COQ2: variants seen among roughly 807,000 people sequenced by gnomAD.
COQ2 encodes the protein coenzyme Q2, polyprenyltransferase.
In COQ2, 25 loss-of-function variants were observed where a neutral mutation model predicts 35.7. That is an observed-to-expected ratio of 0.70 (90% CI 0.51 to 0.98). COQ2 has a LOEUF of 0.98. COQ2 is among the 50% of genes least tolerant of loss of function. COQ2 has a pLI of 0.00. For synonymous variants in COQ2, 206 were observed against 186.2 expected (o/e 1.11, Z -0.86); for missense variants, 488 against 473.5 (o/e 1.03, Z -0.28).
intron 6 of COQ2, among the ~76,000 whole-genome samples, chr4:83,265,070 C>T (rs915932261): frequency 1.3e-5 from 2 of 152,216 alleles, no homozygotes; most frequent in African/African-American, 4.8e-5. Flanking sequence ...AGACCTAAAT[C>T]TGTTGCTAGT....
intron 6 of COQ2, chr4:83,267,220 A>T (rs763592830): frequency 8.9e-6 from 4 of 450,666 alleles, no homozygotes. Context: ...TACAAAAAAT[A>T]AAAAAAATTA....
At position 83,284,770 on chromosome 4, in the gene COQ2, T is replaced by C. The variant is rs1394723089; in HGVS notation, c.-6A>G. 6.4e-7 allele frequency: 1 copy of C among 1,557,422 alleles called. No individual in the cohort carries two copies. The highest frequency in any genetic ancestry group is 1.2e-5 in the South Asian group (1 of 84,668). ...GCGGCTCGCGAGCCCAGCATGGCGC[T>C]GGTGAGGCCGGGACGAGCTCGGATT... On this transcript the variant is annotated 5_prime_UTR_variant, in exon 1 of 7. Transcript: ENST00000647002.
chr4:83,283,691 T>C (rs1227266665), intron 1 of COQ2: 2 of 985,316 alleles, frequency 2.0e-6, no homozygotes, highest in African/African-American at 3.5e-5. Context: ...CCATAGCTTT[T>C]TCTATCTCTA....
At chr4:83,283,267 AC>A (rs1735371862) in intron 1 of COQ2, 6 of 985,394 alleles carry the variant, frequency 6.1e-6, no homozygotes, top group Non-Finnish European at 7.2e-6. Flanking sequence ...GCCTTTGACT[AC>A]ATCTCCATAC....
rs1299451217 is a variant in COQ2, at chr4:83,269,874, T to C, written c.748A>G (p.Ile250Val). The C allele has an allele frequency of 5.0e-6, 8 of 1,593,876 alleles. No individual in the cohort carries two copies. Among genetic ancestry groups the C allele is most frequent in the Non-Finnish European group, 6.8e-6 (8 of 1,169,700 alleles). Residue 250 changes from isoleucine (I) to valine (V), a missense_variant, in exon 5 of 7, where the codon ATT (isoleucine) becomes GTT (valine). By Grantham distance (29) the Ile-to-Val change is conservative. Transcript: ENST00000647002. Reference sequence around the variant, plus strand: ...AATTTCTTTACCTGATGGGCATAAATAGTATCATATATTAGTGTCCACATA... The same window carrying C: ...AATTTCTTTACCTGATGGGCATAAACAGTATCATATATTAGTGTCCACATA... Reference protein sequence around the residue: ...GVMWTLIYDTIYAHQDKRDDV... With the variant: ...GVMWTLIYDTVYAHQDKRDDV...
intron 1 of COQ2, among the ~76,000 whole-genome samples, chr4:83,279,515 G>A (rs1232877626): frequency 6.6e-6 from 1 of 151,976 alleles, no homozygotes; most frequent in Admixed American, 6.6e-5. Flanking sequence ...TTCTAATGAG[G>A]TTACAAAATG....
At chr4:83,276,789 A>G (rs182164867) in intron 2 of COQ2, among the ~76,000 whole-genome samples, 74 of 152,362 alleles carry the variant, frequency 4.9e-4, no homozygotes, top group Middle Eastern at 6.8e-3. Flanking sequence ...CGTGGAATCA[A>G]CCAAAGTGTC....
intron 2 of COQ2, among the ~76,000 whole-genome samples, chr4:83,275,609 C>A (rs904459474): frequency 2.6e-5 from 4 of 151,996 alleles, no homozygotes; most frequent in African/African-American, 9.7e-5. Flanking sequence ...TATGTATAAT[C>A]TCCAGGTGTT....
chr4:83,264,356 G>C lies in COQ2; in HGVS notation c.959C>G (p.Thr320Ser). 2 of 1,603,226 alleles carry C rather than the reference G, an allele frequency of 1.2e-6. No individual in the cohort carries two copies. The highest frequency in any genetic ancestry group is 1.7e-6 in the Non-Finnish European group (2 of 1,176,444). Residue 320 changes from threonine (T) to serine (S), a missense_variant, in exon 7 of 7, where the codon ACT becomes AGT. Transcript: ENST00000647002. ...ATCCTCAGGTCTGTGGATGTCTAGA[G>C]TGTAAATCTGCAAGAGAGGAATACA... is the stretch of plus-strand genomic sequence containing the variant. Reference protein sequence around the residue: ...VGAHLTHQIYTLDIHRPEDCW... With the variant: ...VGAHLTHQIYSLDIHRPEDCW...
chr4:83,277,709 C>T (rs1735214233), intron 2 of COQ2, among the ~76,000 whole-genome samples: 1 of 152,150 alleles, frequency 6.6e-6, no homozygotes, highest in African/African-American at 2.4e-5. Context: ...GTGGCTCATG[C>T]CTGTAATCCC....
chr4:83,274,347 C>T (rs1735116668), intron 2 of COQ2, among the ~76,000 whole-genome samples: 1 of 152,112 alleles, frequency 6.6e-6, no homozygotes, highest in Non-Finnish European at 1.5e-5. Flanking sequence ...GCATCCACCA[C>T]CACCCCTGGC....
rs781293217 is a variant in COQ2, at chr4:83,272,165, G to A, written c.550C>T (p.Leu184=). The change falls in exon 4 of 7, where the codon CTG becomes TTG. Residue 184 remains leucine (L), a synonymous_variant. Coordinates refer to ENST00000647002, the MANE Select transcript of COQ2 (RefSeq NM_001358921.2). The part of the protein sequence containing the change: ...LLCLNYYSIA[L]GAGSLLLVIT... Reference sequence around the variant, plus strand: ...ACAAGAAGTAAGGATCCTGCTCCCAGAGCTATACTGAAAAGAGGAAAAACC... The same window carrying A: ...ACAAGAAGTAAGGATCCTGCTCCCAAAGCTATACTGAAAAGAGGAAAAACC... 6.2e-7 allele frequency: 1 copy of A among 1,605,594 alleles called. No homozygotes were observed. Among genetic ancestry groups the A allele is most frequent in the Non-Finnish European group, 8.5e-7 (1 of 1,175,336 alleles).
At chr4:83,273,947 C>T (rs1373236045) in intron 2 of COQ2, among the ~76,000 whole-genome samples, 1 of 124,970 alleles carries the variant, frequency 8.0e-6, no homozygotes, top group Non-Finnish European at 1.6e-5. Flanking sequence ...AGTTCAAGAC[C>T]AGACTAGGCA....
intron 2 of COQ2, among the ~76,000 whole-genome samples, chr4:83,276,028 T>TTATAATATATAAAATATATATTA (rs1560494682): frequency 2.4e-4 from 5 of 20,660 alleles, no homozygotes; most frequent in African/African-American, 4.1e-4. Flanking sequence ...ATATATATTT[T>TTATAATATATAAAATATATATTA]TATATAATAT....
chr4:83,267,444 A>AG (rs1321934749), intron 6 of COQ2, 142 bp downstream of exon 6: 5 of 667,850 alleles, frequency 7.5e-6, no homozygotes, highest in African/African-American at 3.7e-5. Context: ...GCCGGAGGGC[A>AG]GGGGGGTCTG....
At chr4:83,269,011 G>C (rs1734985680) in intron 5 of COQ2, among the ~76,000 whole-genome samples, 1 of 151,960 alleles carries the variant, frequency 6.6e-6, no homozygotes, top group African/African-American at 2.4e-5. Context: ...AGCTGGGGGA[G>C]AGTTTATAAA....
Position 83,264,285 on chromosome 4 carries a change from A to G in COQ2, c.1030T>C (p.Phe344Leu). 2 of 1,612,306 alleles carry G rather than the reference A, an allele frequency of 1.2e-6. No individual in the cohort carries two copies. Among genetic ancestry groups the G allele is most frequent in the Non-Finnish European group, 1.7e-6 (2 of 1,179,326 alleles). Reference protein sequence around the residue: ...ISNRTLGLIVFLGIVLGNLWK... With the variant: ...ISNRTLGLIVLLGIVLGNLWK... ...AAATTCCCAAGGACAATCCCTAAAA[A>G]AACTATTAGTCCCAGTGTTCGGTTG... The change falls in exon 7 of 7, where the codon TTT becomes CTT. Residue 344 changes from phenylalanine to leucine, a missense_variant. Phe to Leu is a conservative substitution (Grantham distance 22). Transcript: ENST00000647002.
upstream of COQ2, chr4:83,285,013 A>G (rs1051920856): frequency 8.0e-5 from 68 of 851,112 alleles, no homozygotes; most frequent in Middle Eastern, 1.1e-3. Flanking sequence ...ATTTTTTACA[A>G]CTCGATCTTG....
intron 4 of COQ2, 106 bp from the exon 5 acceptor site, chr4:83,270,099 CTG>C: frequency 1.7e-6 from 2 of 1,179,170 alleles, no homozygotes; most frequent in Non-Finnish European, 2.4e-6. Flanking sequence ...GTATCAGACT[CTG>C]TGTGTGCTGC....
Sources: gnomAD v4.1 joint callset for allele counts (sites outside exome capture counted in the v4.1 genomes callset) on GRCh38, gnomAD v4.1.1 for gene constraint, MANE v1.5 for transcripts, NCBI Gene and HGNC (gene_info 2026-07-23, HGNC 2026-07-21) for gene names.